SHH: variants seen among roughly 807,000 people sequenced by gnomAD.
The protein encoded by SHH is sonic hedgehog protein.
In SHH, 3 loss-of-function variants were observed where a neutral mutation model predicts 16.6. The observed-to-expected ratio is 0.18, with a 90% CI of 0.08 to 0.47. The LOEUF (loss-of-function observed/expected upper bound fraction) is 0.47, where lower values mean the gene tolerates loss of function less well. Among genes scored for constraint, SHH ranks in the 20% least tolerant of loss-of-function variants. The pLI, the probability that SHH is intolerant of heterozygous loss-of-function variation, is 0.98. For missense variants in SHH, 499 were observed against 665.0 expected (o/e 0.75, Z 2.75); for synonymous variants, 351 against 316.2 (o/e 1.11, Z -1.17).
rs1032957784 is a variant in SHH at position 155,809,970 on chromosome 7, C to A, written c.300+1853G>T. Among the ~76,000 whole-genome samples, 8 of 151,772 alleles carry A rather than the reference C, an allele frequency of 5.3e-5. No individual in the cohort carries two copies. The highest frequency in any genetic ancestry group is 1.9e-4 in the African/African-American group (8 of 41,396). On this transcript the variant is annotated intron_variant, in intron 1 of 2. Transcript: ENST00000297261. The surrounding 1 kb of genome is among the most constrained non-coding windows in gnomAD (Gnocchi z 6.1). The stretch of plus-strand genomic sequence containing the variant: ...CGATGCGCCCCGGCCCCTGCGCGGG[C>A]GCCCCCATCTCCGCGCCCCCGCCGC...
At chr7:155,806,594 T>C (rs373886175) in intron 1 of SHH, 37 bp from the exon 2 acceptor site, 146 of 1,610,552 alleles carry the variant, frequency 9.1e-5, no homozygotes, top group Middle Eastern at 5.2e-4. Flanking sequence ...ACGGACACGT[T>C]AGCCTGGGCA....
Position 155,807,530 on chromosome 7 carries a change from G to A in SHH, c.301-973C>T, listed in dbSNP as rs1326848532. Reference sequence around the variant, plus strand: ...TGGGGAGTTTCCCAGGAAGTTGCCTGGGAGGAGGCAGGAAACACTGACTAG... The same window carrying A: ...TGGGGAGTTTCCCAGGAAGTTGCCTAGGAGGAGGCAGGAAACACTGACTAG... On this transcript the variant is annotated intron_variant, in intron 1 of 2. Coordinates refer to ENST00000297261, the MANE Select transcript of SHH (RefSeq NM_000193.4). The surrounding 1 kb of genome is among the most constrained non-coding windows in gnomAD (Gnocchi z 7.1). 2.0e-5 allele frequency among the ~76,000 whole-genome samples: 3 copies of A among 152,220 alleles called. No individual in the cohort carries two copies. The highest frequency in any genetic ancestry group is 7.2e-5 in the African/African-American group (3 of 41,456).
At position 155,807,108 on chromosome 7, in the gene SHH, G is replaced by A; in HGVS notation, c.301-551C>T. 1 of 186,626 alleles carries A rather than the reference G, an allele frequency of 5.4e-6. No individual in the cohort carries two copies. Among genetic ancestry groups the A allele is most frequent in the Non-Finnish European group, 1.1e-5 (1 of 87,484 alleles). The allele number at this position is 186,626 out of a possible 1,614,324, so 11.6% of individuals were successfully genotyped here. The stretch of plus-strand genomic sequence containing the variant: ...CTGCGCACTGCTTGGAGAATTGAAG[G>A]CCTTGCATTTATTTACCTCAGGCCC... On this transcript the variant is annotated intron_variant, in intron 1 of 2. Transcript: ENST00000297261. This position sits in a 1 kb window ranked among gnomAD's most constrained non-coding sequence, Gnocchi z 7.1.
intron 2 of SHH, among the ~76,000 whole-genome samples, chr7:155,805,523 T>G (rs1803333311): frequency 6.6e-6 from 1 of 152,194 alleles, no homozygotes; most frequent in Non-Finnish European, 1.5e-5. Flanking sequence ...ACGTGCCAAT[T>G]TATGCGGGCG....
In SHH at chr7:155,810,609, C is replaced by T. The variant is rs1015032560; in HGVS notation, c.300+1214G>A. Among the ~76,000 whole-genome samples, 3 of 152,354 alleles carry T rather than the reference C, an allele frequency of 2.0e-5. No individual in the cohort carries two copies. In the East Asian group the frequency reaches 5.8e-4, roughly 29 times the overall value. ...GAAATCAGGACCATTTCCCATTCCT[C>T]TCCCTTCCGACAGCTGGAGCAGGCT... On this transcript the variant is annotated intron_variant, in intron 1 of 2. Transcript: ENST00000297261.
rs1361734467 is a variant in SHH, at chr7:155,812,081, G to T, written c.42C>A (p.Ser14=). 6.2e-7 allele frequency: 1 copy of T among 1,614,214 alleles called. No homozygotes were observed. The highest frequency in any genetic ancestry group is 1.1e-5 in the South Asian group (1 of 91,086). ...LARCLLLVLV[S]SLLVCSGLAC... ...CCAGTCCCGAGCATACCAGCAGCGA[G>T]GAGACGAGGACTAGCAGCAGACATC... The change falls in exon 1 of 3, where the codon TCC becomes TCA. Residue 14 remains serine (S), a synonymous_variant. Transcript: ENST00000297261.
chr7:155,806,882 G>A, intron 1 of SHH: 2 of 448,748 alleles, frequency 4.5e-6, no homozygotes, highest in South Asian at 4.2e-5. Flanking sequence ...TGACCTGCAT[G>A]TTTAAGACAT....
In SHH at chr7:155,803,620, G is replaced by A. The variant is rs775658492; in HGVS notation, c.669C>T (p.Arg223=). ...GGCCCTGGTCGTCCGCCGCCAGCAC[G>A]CGGTCCCCGGGGCTCAGGTCCTTCA... ...KLVKDLSPGD[R]VLAADDQGRL... Residue 223 remains arginine, a synonymous_variant, in exon 3 of 3, where the codon CGC becomes CGT. Transcript: ENST00000297261. 6.3e-6 allele frequency: 10 copies of A among 1,598,334 alleles called. No homozygotes were observed. Among genetic ancestry groups the A allele is most frequent in the Non-Finnish European group, 7.6e-6 (9 of 1,179,512 alleles).
chr7:155,806,935 CCGCCCCCA>C, intron 1 of SHH: 1 of 314,398 alleles, frequency 3.2e-6, no homozygotes, highest in Non-Finnish European at 6.2e-6. Context: ...GATACCCGCC[CCGCCCCCA>C]CGTTGCCCTC....
chr7:155,804,987 C>T (rs1010048627), intron 2 of SHH, among the ~76,000 whole-genome samples: 2 of 152,214 alleles, frequency 1.3e-5, no homozygotes, highest in Non-Finnish European at 1.5e-5. Flanking sequence ...CGGGCGCTGG[C>T]GAGCCCGAGT....
rs1189234382 is a variant in SHH at position 155,800,095 on chromosome 7, G to A, written c.*2805C>T. 4.2e-6 allele frequency: 2 copies of A among 471,680 alleles called. No homozygotes were observed. Among genetic ancestry groups the A allele is most frequent in the Admixed American group, 4.7e-5 (2 of 42,594 alleles). 29.2% of individuals were successfully genotyped at this position (471,680 alleles called of 1,614,324 possible). A position where few individuals can be genotyped will look rare whatever the true frequency, so the allele number is the denominator to read the frequency against. ...AGATATGCATTTAGTCATGAGGGAG[G>A]CTGGCAGCAACCACCATGCATACAT... On this transcript the variant is annotated 3_prime_UTR_variant, in exon 3 of 3. Coordinates refer to ENST00000297261, the MANE Select transcript of SHH (RefSeq NM_000193.4).
chr7:155,812,157 C>G lies in SHH; in HGVS notation c.-35G>C, dbSNP rs1803537606. 6.2e-7 allele frequency: 1 copy of G among 1,606,108 alleles called. No homozygotes were observed. The highest frequency in any genetic ancestry group is 1.1e-5 in the South Asian group (1 of 90,908). ...GGAACTGATGACTTCCGAGCTGTCCCCGTGCGGGTCCGTGCGCGAGTGCGC... is the reference window on the plus strand; with the variant it reads ...GGAACTGATGACTTCCGAGCTGTCCGCGTGCGGGTCCGTGCGCGAGTGCGC... On this transcript the variant is annotated 5_prime_UTR_variant, in exon 1 of 3. Coordinates refer to ENST00000297261, the MANE Select transcript of SHH (RefSeq NM_000193.4).
At chr7:155,811,434 G>A (rs919246551) in intron 1 of SHH, among the ~76,000 whole-genome samples, 2 of 152,170 alleles carry the variant, frequency 1.3e-5, no homozygotes, top group South Asian at 2.1e-4. Flanking sequence ...TTTGTGGGAG[G>A]GGGATTCCCA....
Position 155,812,042 on chromosome 7 carries a change from G to A in SHH, c.81C>T (p.Gly27=). 1 of 1,614,116 alleles carries A rather than the reference G, an allele frequency of 6.2e-7. No homozygotes were observed. The highest frequency in any genetic ancestry group is 1.3e-5 in the African/African-American group (1 of 75,058). ...LVCSGLACGP[G]RGFGKRRHPK... is the part of the protein sequence containing the mutation. ...GGTGCCTCCTCTTCCCGAACCCCCT[G>A]CCCGGTCCGCACGCCAGTCCCGAGC... is the stretch of plus-strand genomic sequence containing the variant. The change falls in exon 1 of 3, where the codon GGC becomes GGT. Residue 27 remains glycine, a synonymous_variant. Transcript: ENST00000297261.
Position 155,802,835 on chromosome 7 carries a change from TG to T in SHH, c.*64del. On this transcript the variant is annotated 3_prime_UTR_variant, in exon 3 of 3. Coordinates refer to ENST00000297261, the MANE Select transcript of SHH (RefSeq NM_000193.4). ...CGTGCGCCTTTTCCGAGTGTCTTTT[TG>T]CTTTGCGTTGCTGTTGCTGCCCCGC... 1.1e-6 allele frequency: 1 copy of T among 949,820 alleles called. No individual in the cohort carries two copies. Among genetic ancestry groups the T allele is most frequent in the Middle Eastern group, 3.6e-4 (1 of 2,808 alleles). 58.8% of individuals were successfully genotyped at this position (949,820 alleles called of 1,614,324 possible). A position where few individuals can be genotyped will look rare whatever the true frequency, so the allele number is the denominator to read the frequency against.
Position 155,803,098 on chromosome 7 carries a change from G to T in SHH, c.1191C>A (p.Arg397=). ...GGTCCCCGCCGCCGCTGTCCCCGCC[G>T]CGGTCCGTGCGCGCGGGCGCCAGTG... is the stretch of plus-strand genomic sequence containing the variant. ...LAALAPARTD[R]GGDSGGGDRG... The change falls in exon 3 of 3, where the codon CGC becomes CGA. Residue 397 remains arginine, a synonymous_variant. Coordinates refer to ENST00000297261, the MANE Select transcript of SHH (RefSeq NM_000193.4). 1 of 1,344,732 alleles carries T rather than the reference G, an allele frequency of 7.4e-7. No homozygotes were observed. 83.3% of individuals were successfully genotyped at this position (1,344,732 alleles called of 1,614,324 possible). A position where few individuals can be genotyped will look rare whatever the true frequency, so the allele number is the denominator to read the frequency against.
In SHH at chr7:155,810,783, G is replaced by C. The variant is rs139524934; in HGVS notation, c.300+1040C>G. On this transcript the variant is annotated intron_variant, in intron 1 of 2. Transcript: ENST00000297261. ...CACCAGCGCCACTCCATCAGCCGCT[G>C]TACGCACCTAGCCCTAAAGGTAGGA... is the stretch of plus-strand genomic sequence containing the variant. Among the ~76,000 whole-genome samples the C allele has an allele frequency of 3.3e-4, 51 of 152,344 alleles. No individual in the cohort carries two copies. In the East Asian group the frequency reaches 9.7e-3, roughly 29 times the overall value.
Position 155,801,625 on chromosome 7 carries a change from TACAA to T in SHH, c.*1271_*1274del, listed in dbSNP as rs1803181906. 1 of 152,182 alleles carries T rather than the reference TACAA, an allele frequency of 6.6e-6. No homozygotes were observed. The allele number at this position is 152,182 out of a possible 1,614,324, so 9.4% of individuals were successfully genotyped here. A position where few individuals can be genotyped will look rare whatever the true frequency, so the allele number is the denominator to read the frequency against. On this transcript the variant is annotated 3_prime_UTR_variant, in exon 3 of 3. Transcript: ENST00000297261. ...TGTAGAAAGAGCTTCACACAATAAA[TACAA>T]ACAGAGCTGAGGTTTCTCCAGCCAT...
chr7:155,799,990 G>A lies in SHH; in HGVS notation c.*2910C>T, dbSNP rs568161333. On this transcript the variant is annotated 3_prime_UTR_variant, in exon 3 of 3. Transcript: ENST00000297261. ...ATAACAGACACTGAAGAGAGTCTCTGTAATTTCTTTAATTATTCAAACAAT... is the reference window on the plus strand; with the variant it reads ...ATAACAGACACTGAAGAGAGTCTCTATAATTTCTTTAATTATTCAAACAAT... 85 of 467,826 alleles carry A rather than the reference G, an allele frequency of 1.8e-4. No individual in the cohort carries two copies. In the East Asian group the frequency reaches 4.6e-3, roughly 25 times the overall value. The allele number at this position is 467,826 out of a possible 1,614,324, so 29.0% of individuals were successfully genotyped here.
Sources: gnomAD v4.1 joint callset for allele counts (sites outside exome capture counted in the v4.1 genomes callset) on GRCh38, gnomAD v4.1.1 for gene constraint, Gnocchi (gnomAD v3.1) non-coding constraint, MANE v1.5 for transcripts, NCBI Gene and HGNC (gene_info 2026-07-23, HGNC 2026-07-21) for gene names.